The following TTC29 variants were observed in gnomAD, a reference collection of about 807,000 sequenced individuals.
TTC29 encodes tetratricopeptide repeat domain 29.
TTC29 carries 49 observed loss-of-function variants against 58.1 expected under a neutral mutation model. The ratio of observed to expected loss-of-function variants is 0.84; its 90% CI spans 0.67 to 1.07. The LOEUF is 1.07. Ranked by LOEUF, TTC29 falls within the 50% of genes least tolerant of loss-of-function variation. The pLI is 0.00. For synonymous variants in TTC29, 209 were observed against 196.8 expected, an observed-to-expected ratio of 1.06 and a Z score of -0.52; for missense variants, 582 against 555.6, an observed-to-expected ratio of 1.05 and a Z score of -0.48.
chr4:146,892,241 T>C (rs1209207883), intron 6 of TTC29, among the ~76,000 whole-genome samples: 2 of 152,120 alleles, frequency 1.3e-5, no homozygotes, highest in Non-Finnish European at 2.9e-5. Context: ...TGTGCCTGCT[T>C]CCCCTTTACC....
chr4:146,743,926 A>C (rs1745349144), intron 11 of TTC29, among the ~76,000 whole-genome samples: 1 of 152,226 alleles, frequency 6.6e-6, no homozygotes, highest in African/African-American at 2.4e-5. Flanking sequence ...GCAATTGATC[A>C]AAGGAATGTA....
At chr4:146,862,226 C>T (rs921998745) in intron 8 of TTC29, among the ~76,000 whole-genome samples, 13 of 150,096 alleles carry the variant, frequency 8.7e-5, no homozygotes, top group Non-Finnish European at 1.9e-4. Context: ...GGAATCGATC[C>T]TACATATTTA....
At chr4:146,752,965 C>A (rs1006491052) in intron 11 of TTC29, among the ~76,000 whole-genome samples, 12 of 152,274 alleles carry the variant, frequency 7.9e-5, no homozygotes, top group African/African-American at 2.9e-4. Flanking sequence ...AAAACCTAGG[C>A]AATACCATTC....
At chr4:146,942,705 G>A in intron 2 of TTC29, 2 of 1,355,370 alleles carry the variant, frequency 1.5e-6, no homozygotes, top group South Asian at 1.4e-5. Flanking sequence ...TAAAAAGGGA[G>A]AGAAGAAAAC....
At chr4:146,911,855 C>G (rs1733919376) in intron 4 of TTC29, among the ~76,000 whole-genome samples, 1 of 152,184 alleles carries the variant, frequency 6.6e-6, no homozygotes, top group South Asian at 2.1e-4. Flanking sequence ...CACTCCTCAC[C>G]TTGGTGCAAG....
At chr4:146,822,297 A>G (rs1310113424) in intron 9 of TTC29, among the ~76,000 whole-genome samples, 1 of 151,918 alleles carries the variant, frequency 6.6e-6, no homozygotes, top group African/African-American at 2.4e-5. Flanking sequence ...TTGTGTTCTT[A>G]GTGTTCAACT....
chr4:146,754,769 C>T (rs561308378), intron 11 of TTC29, among the ~76,000 whole-genome samples: 1 of 151,612 alleles, frequency 6.6e-6, no homozygotes, highest in Non-Finnish European at 1.5e-5. Context: ...AGGAAAGTAG[C>T]TCAACATAAT....
chr4:146,764,642 G>T (rs550123900), intron 11 of TTC29, among the ~76,000 whole-genome samples: 2 of 152,050 alleles, frequency 1.3e-5, no homozygotes, highest in South Asian at 4.1e-4. Context: ...AATCATGTTC[G>T]AACATAGGTA....
At chr4:146,766,233 C>T (rs578159439) in intron 11 of TTC29, among the ~76,000 whole-genome samples, 5 of 152,028 alleles carry the variant, frequency 3.3e-5, no homozygotes, top group South Asian at 2.1e-4. Context: ...AGAGGAGCAA[C>T]GTGTATGTTA....
chr4:146,842,564 A>G (rs1417446711), intron 8 of TTC29, among the ~76,000 whole-genome samples: 1 of 152,030 alleles, frequency 6.6e-6, no homozygotes, highest in Non-Finnish European at 1.5e-5. Context: ...GTTTAAATAA[A>G]CCCACCTAGA....
At chr4:146,729,273 G>T (rs1020052629) in intron 11 of TTC29, among the ~76,000 whole-genome samples, 2 of 151,886 alleles carry the variant, frequency 1.3e-5, no homozygotes, top group South Asian at 4.1e-4. Context: ...TTTCATTTAC[G>T]TTTCTCCTAA....
chr4:146,758,166 C>G (rs1746599035), intron 11 of TTC29, among the ~76,000 whole-genome samples: 1 of 151,912 alleles, frequency 6.6e-6, no homozygotes, highest in South Asian at 2.1e-4. Context: ...CAAATGGACA[C>G]CAAAAGCAAG....
At chr4:146,717,380 C>T (rs1177985135) in intron 11 of TTC29, among the ~76,000 whole-genome samples, 4 of 152,000 alleles carry the variant, frequency 2.6e-5, no homozygotes, top group East Asian at 1.9e-4. Context: ...CCAGTTCAAG[C>T]GATTCTTCTG....
chr4:146,922,674 A>G (rs1038370647), intron 4 of TTC29, among the ~76,000 whole-genome samples: 1 of 151,822 alleles, frequency 6.6e-6, no homozygotes, highest in African/African-American at 2.4e-5. Flanking sequence ...AACATGCTGA[A>G]GATCACACAC....
chr4:146,840,331 T>C (rs1728777618), intron 8 of TTC29, among the ~76,000 whole-genome samples: 1 of 152,078 alleles, frequency 6.6e-6, no homozygotes, highest in South Asian at 2.1e-4. Context: ...GCTATTTCCA[T>C]TCCACCTTGT....
chr4:146,917,815 A>G (rs563359980), intron 4 of TTC29, among the ~76,000 whole-genome samples: 19 of 149,242 alleles, frequency 1.3e-4, no homozygotes, highest in East Asian at 5.8e-4. Context: ...CTAATGCAAT[A>G]TATTAATTTA....
chr4:146,850,923 T>C (rs1294988243), intron 8 of TTC29, among the ~76,000 whole-genome samples: 5 of 152,206 alleles, frequency 3.3e-5, no homozygotes, highest in African/African-American at 9.7e-5. Context: ...AAATGTATCG[T>C]TAAATCATTT....
intron 9 of TTC29, among the ~76,000 whole-genome samples, chr4:146,825,296 G>T (rs561859770): frequency 1.3e-5 from 2 of 152,158 alleles, no homozygotes; most frequent in Admixed American, 6.5e-5. Flanking sequence ...TTTCTGTTAT[G>T]TTGTCTCTTT....
intron 10 of TTC29, among the ~76,000 whole-genome samples, chr4:146,807,362 T>C (rs867808845): frequency 2.2e-4 from 33 of 152,078 alleles, no homozygotes; most frequent in South Asian, 4.2e-4. Flanking sequence ...ATTCAAAAGC[T>C]AGCAGAAGGC....
Sources: allele counts gnomAD v4.1 joint callset (sites outside exome capture counted in the v4.1 genomes callset), GRCh38; gene constraint gnomAD v4.1.1; transcripts MANE v1.5; gene names NCBI Gene and HGNC (gene_info 2026-07-23, HGNC 2026-07-21).